SMAP1: variants seen among roughly 807,000 people sequenced by gnomAD.
SMAP1 encodes stromal membrane-associated protein 1.
A neutral mutation model predicts 58.5 loss-of-function variants in SMAP1; 24 were observed. That is an observed-to-expected ratio of 0.41 (90% CI 0.30 to 0.58). The LOEUF is 0.58. Ranked by LOEUF, SMAP1 falls within the 20% of genes least tolerant of loss-of-function variation. The pLI, the probability that SMAP1 is intolerant of heterozygous loss-of-function variation, is 0.29. For synonymous variants in SMAP1, 216 were observed against 196.6 expected (o/e 1.10, Z -0.82); for missense variants, 563 against 566.3 (o/e 0.99, Z 0.06).
intron 3 of SMAP1, among the ~76,000 whole-genome samples, chr6:70,762,966 T>C (rs942450951): frequency 4.0e-4 from 61 of 152,192 alleles, no homozygotes; most frequent in African/African-American, 1.3e-3. Context: ...CAGATGTTAG[T>C]ATTGTATTCA....
At chr6:70,791,433 A>G (rs1393600499) in intron 4 of SMAP1, among the ~76,000 whole-genome samples, 1 of 152,156 alleles carries the variant, frequency 6.6e-6, no homozygotes, top group Non-Finnish European at 1.5e-5. Context: ...TTATCTGACT[A>G]CATTTTAAAT....
intron 6 of SMAP1, among the ~76,000 whole-genome samples, chr6:70,825,369 G>C (rs1770071406): frequency 2.6e-5 from 4 of 152,028 alleles, no homozygotes; most frequent in Admixed American, 2.6e-4. Context: ...TCAGGTGTTT[G>C]GCTAATTTTT....
intron 1 of SMAP1, among the ~76,000 whole-genome samples, chr6:70,707,863 A>T (rs1767899436): frequency 6.6e-6 from 1 of 152,182 alleles, no homozygotes. Context: ...TTTAAGCTGT[A>T]CAGCATGACA....
chr6:70,848,186 T>A (rs1001146054), intron 7 of SMAP1, among the ~76,000 whole-genome samples: 2 of 152,160 alleles, frequency 1.3e-5, no homozygotes, highest in Non-Finnish European at 2.9e-5. Flanking sequence ...TATTCTTAGT[T>A]GACCAAGGCC....
chr6:70,682,915 G>T (rs1203701797), intron 1 of SMAP1, among the ~76,000 whole-genome samples: 1 of 152,008 alleles, frequency 6.6e-6, no homozygotes, highest in Admixed American at 6.6e-5. Flanking sequence ...ACACGTGCCT[G>T]TAATCCCAGG....
chr6:70,744,851 T>C (rs571215093), intron 2 of SMAP1, among the ~76,000 whole-genome samples: 135 of 152,346 alleles, frequency 8.9e-4, no homozygotes, highest in Non-Finnish European at 1.6e-3. Context: ...CCTGACTTTT[T>C]AATGATTGCC....
intron 1 of SMAP1, among the ~76,000 whole-genome samples, chr6:70,700,682 C>T (rs1003138453): frequency 1.3e-5 from 2 of 152,228 alleles, no homozygotes; most frequent in Non-Finnish European, 2.9e-5. Context: ...AGGAGTCTCT[C>T]CCCATAGCCA....
chr6:70,834,769 T>A (rs1007787196), intron 6 of SMAP1, among the ~76,000 whole-genome samples: 1 of 152,212 alleles, frequency 6.6e-6, no homozygotes, highest in Non-Finnish European at 1.5e-5. Context: ...TGAAAAGAAT[T>A]CCTTTCTTCA....
intron 3 of SMAP1, among the ~76,000 whole-genome samples, chr6:70,771,853 G>A (rs971120154): frequency 3.3e-5 from 5 of 152,158 alleles, no homozygotes; most frequent in African/African-American, 2.4e-5. Context: ...CGCTCACGCT[G>A]GGAGCTGTAG....
chr6:70,794,387 A>C (rs571815043), intron 5 of SMAP1, among the ~76,000 whole-genome samples: 2 of 152,170 alleles, frequency 1.3e-5, no homozygotes, highest in African/African-American at 4.8e-5. Flanking sequence ...CCTGTATCCT[A>C]ATACCACTGC....
At chr6:70,837,920 A>G in intron 7 of SMAP1, 1 of 1,162,828 alleles carries the variant, frequency 8.6e-7, no homozygotes, top group Non-Finnish European at 1.1e-6. Flanking sequence ...TTATAGCTGA[A>G]TGTTTTATTC....
chr6:70,715,720 G>A (rs1171740450), intron 1 of SMAP1, among the ~76,000 whole-genome samples: 2 of 139,952 alleles, frequency 1.4e-5, no homozygotes. Flanking sequence ...CATTTATTGT[G>A]CACTTTATTT....
intron 2 of SMAP1, chr6:70,734,678 C>G (rs935873251): frequency 2.6e-5 from 4 of 152,562 alleles, no homozygotes; most frequent in Non-Finnish European, 5.9e-5. Flanking sequence ...AGAAGTTACA[C>G]AGTCGTGCTG....
At chr6:70,724,171 GT>G (rs111454683) in intron 1 of SMAP1, among the ~76,000 whole-genome samples, 1 of 146,558 alleles carries the variant, frequency 6.8e-6, no homozygotes, top group African/African-American at 2.5e-5. Flanking sequence ...TTGTTTTTTT[GT>G]TTTTTTTCTT....
chr6:70,808,612 C>A (rs767715753), intron 6 of SMAP1, among the ~76,000 whole-genome samples: 8 of 152,260 alleles, frequency 5.3e-5, no homozygotes, highest in Non-Finnish European at 1.0e-4. Flanking sequence ...CCTCGATGAT[C>A]TCTAGAGCCT....
rs575008239 is a variant in SMAP1, at chr6:70,861,991, T to TA, written c.*1669dup. ...CTTACAGCAAATCCTTTGTGAAAAA[T>TA]AAAAAAAAAAAAGAGACTTTAAAAT... On this transcript the variant is annotated 3_prime_UTR_variant, in exon 11 of 11. Coordinates refer to ENST00000370455, the MANE Select transcript of SMAP1 (RefSeq NM_001044305.3). 0.04 allele frequency: 43,302 copies of TA among 1,073,306 alleles called. 9 individuals are homozygous for TA. Among genetic ancestry groups the TA allele is most frequent in the Middle Eastern group, 0.05 (193 of 3,840 alleles). 66.5% of individuals were successfully genotyped at this position (1,073,306 alleles called of 1,614,324 possible).
chr6:70,850,873 AAGT>A (rs1432400159), intron 7 of SMAP1, among the ~76,000 whole-genome samples: 3 of 150,900 alleles, frequency 2.0e-5, no homozygotes, highest in Non-Finnish European at 2.9e-5. Flanking sequence ...CTGGAAAACA[AAGT>A]AGCGCTTTAA....
At chr6:70,718,871 G>C (rs1366584389) in intron 1 of SMAP1, among the ~76,000 whole-genome samples, 1 of 145,040 alleles carries the variant, frequency 6.9e-6, no homozygotes, top group Non-Finnish European at 1.5e-5. Context: ...ATGAAGACTA[G>C]AGATATGCCA....
intron 4 of SMAP1, among the ~76,000 whole-genome samples, chr6:70,782,120 C>T (rs1156927404): frequency 1.3e-5 from 2 of 152,116 alleles, no homozygotes; most frequent in Non-Finnish European, 2.9e-5. Flanking sequence ...CACCAATTTC[C>T]AGCAAAATTT....
Sources: gnomAD v4.1 joint callset for allele counts (sites outside exome capture counted in the v4.1 genomes callset) on GRCh38, gnomAD v4.1.1 for gene constraint, MANE v1.5 for transcripts, NCBI Gene and HGNC (gene_info 2026-07-23, HGNC 2026-07-21) for gene names.